The following CWC22 variants were observed in gnomAD, a reference collection of about 807,000 sequenced individuals.
CWC22 encodes the protein CWC22 spliceosome associated protein.
A neutral mutation model predicts 117.2 loss-of-function variants in CWC22; 53 were observed. That is an observed-to-expected ratio of 0.45 (90% CI 0.36 to 0.57). The LOEUF (loss-of-function observed/expected upper bound fraction) is 0.57, where lower values mean the gene tolerates loss of function less well. Ranked by LOEUF, CWC22 falls within the 20% of genes least tolerant of loss-of-function variation. The probability of loss-of-function intolerance (pLI) is 0.00; values close to 1 mark genes in which losing one functional copy is unlikely to be tolerated. For synonymous variants in CWC22, 360 were observed against 355.6 expected (o/e 1.01, Z -0.14); for missense variants, 980 against 1,068.8 (o/e 0.92, Z 1.16).
At chr2:179,953,898 C>A (rs1314981766) in intron 16 of CWC22, among the ~76,000 whole-genome samples, 1 of 152,092 alleles carries the variant, frequency 6.6e-6, no homozygotes, top group Admixed American at 6.6e-5. Flanking sequence ...TGTGAGTGTG[C>A]ATGCACGTGT....
chr2:179,954,780 C>T (rs1559285439), intron 15 of CWC22, among the ~76,000 whole-genome samples, 177 bp downstream of exon 15: 1 of 151,836 alleles, frequency 6.6e-6, no homozygotes, highest in Non-Finnish European at 1.5e-5. Context: ...TAAAGCACTG[C>T]AAAAATGAAG....
chr2:179,995,806 A>C (rs1214508966), intron 1 of CWC22, among the ~76,000 whole-genome samples: 1 of 152,216 alleles, frequency 6.6e-6, no homozygotes, highest in African/African-American at 2.4e-5. Context: ...GGCAAGCTGC[A>C]GTCTGTACCA....
intron 14 of CWC22, 119 bp downstream of exon 14, chr2:179,958,903 T>C: frequency 1.8e-6 from 1 of 569,518 alleles, no homozygotes; most frequent in Non-Finnish European, 3.2e-6. Flanking sequence ...AAACCTACAT[T>C]AAAAAATAAA....
At chr2:179,965,715 T>G (rs1686870669) in intron 12 of CWC22, among the ~76,000 whole-genome samples, 163 bp downstream of exon 12, 2 of 152,212 alleles carry the variant, frequency 1.3e-5, no homozygotes, top group African/African-American at 4.8e-5. Flanking sequence ...GGCAGTCTTG[T>G]GGTTTGTAGG....
intron 5 of CWC22, among the ~76,000 whole-genome samples, chr2:179,980,119 A>G (rs1398212331): frequency 6.6e-6 from 1 of 152,228 alleles, no homozygotes; most frequent in Non-Finnish European, 1.5e-5. Flanking sequence ...TTTTACAATC[A>G]GGATTGCTTT....
intron 14 of CWC22, among the ~76,000 whole-genome samples, chr2:179,956,484 C>T (rs1057442724): frequency 1.3e-5 from 2 of 151,278 alleles, no homozygotes; most frequent in South Asian, 2.1e-4. Flanking sequence ...TGGACAGCAC[C>T]GCTTTAGATA....
At chr2:179,998,200 T>C (rs563189188) in intron 1 of CWC22, among the ~76,000 whole-genome samples, 1 of 152,298 alleles carries the variant, frequency 6.6e-6, no homozygotes, top group East Asian at 1.9e-4. Context: ...TTAGGCAGAA[T>C]ATAGAGACCC....
At chr2:179,961,496 CATTAAG>C in intron 13 of CWC22, among the ~76,000 whole-genome samples, 1 of 152,072 alleles carries the variant, frequency 6.6e-6, no homozygotes. Flanking sequence ...CAGTATCTAA[CATTAAG>C]ATTAAAATAC....
rs567318598 is a variant in CWC22 at position 179,962,882 on chromosome 2, T to C, written c.1397+1665A>G. ...ATTACCCTGATTTGATTATACAATG[T>C]ATAATCACCCTTAGGGTATAAATAT... On this transcript the variant is annotated intron_variant, in intron 13 of 19. Coordinates refer to ENST00000410053, the MANE Select transcript of CWC22 (RefSeq NM_020943.3). Among the ~76,000 whole-genome samples the C allele has an allele frequency of 3.8e-3, 573 of 152,240 alleles. 5 individuals are homozygous for C. Among genetic ancestry groups the C allele is most frequent in the South Asian group, 7.3e-3 (35 of 4,822 alleles).
intron 1 of CWC22, among the ~76,000 whole-genome samples, chr2:180,002,064 G>A (rs1475087148): frequency 6.6e-6 from 1 of 152,142 alleles, no homozygotes; most frequent in Non-Finnish European, 1.5e-5. Context: ...TTTTACTCCA[G>A]CCAATCTTCT....
chr2:180,004,820 G>C (rs1687931810), intron 1 of CWC22, among the ~76,000 whole-genome samples: 3 of 151,980 alleles, frequency 2.0e-5, no homozygotes, highest in African/African-American at 7.3e-5. Flanking sequence ...AAAGTGATTG[G>C]AGGTACCCTA....
At chr2:179,990,286 A>G (rs1015501649) in intron 2 of CWC22, among the ~76,000 whole-genome samples, 1 of 152,220 alleles carries the variant, frequency 6.6e-6, no homozygotes, top group Non-Finnish European at 1.5e-5. Context: ...AGGTTTCTAT[A>G]AAACTTCACA....
chr2:180,004,810 A>C (rs1687931532), intron 1 of CWC22, among the ~76,000 whole-genome samples: 1 of 152,016 alleles, frequency 6.6e-6, no homozygotes. Flanking sequence ...AGAACTCCAA[A>C]AAGTGATTGG....
At chr2:179,987,134 CCTTTTGCTTAGTTGGCTTGTTT>C (rs1325852130) in intron 3 of CWC22, among the ~76,000 whole-genome samples, 4 of 152,158 alleles carry the variant, frequency 2.6e-5, no homozygotes, top group Non-Finnish European at 4.4e-5. Flanking sequence ...ACAAATGACT[CCTTTTGCTTAGTTGGCTTGTTT>C]ATCAAAACAC....
At chr2:179,965,476 C>G (rs1036430628) in intron 12 of CWC22, among the ~76,000 whole-genome samples, 5 of 152,170 alleles carry the variant, frequency 3.3e-5, no homozygotes, top group African/African-American at 9.7e-5. Flanking sequence ...CCAAAATGAA[C>G]AGCAAATATG....
chr2:179,988,914 TTTTTA>T (rs1331171976), intron 2 of CWC22, among the ~76,000 whole-genome samples: 2 of 151,758 alleles, frequency 1.3e-5, no homozygotes, highest in African/African-American at 2.4e-5. Context: ...TTTTTATTTC[TTTTTA>T]TTTTATTTTT....
At chr2:179,971,129 A>G in intron 8 of CWC22, 53 bp from the exon 9 acceptor site, 1 of 1,204,932 alleles carries the variant, frequency 8.3e-7, no homozygotes, top group Non-Finnish European at 1.1e-6. Context: ...ACATACATTA[A>G]ATTATTTTTA....
intron 8 of CWC22, 115 bp downstream of exon 8, chr2:179,973,078 T>G: frequency 2.1e-6 from 1 of 478,638 alleles, no homozygotes; most frequent in Non-Finnish European, 3.8e-6. Context: ...TCATCCAACA[T>G]TTTTATCCCA....
chr2:180,002,378 T>C (rs969048907), intron 1 of CWC22, among the ~76,000 whole-genome samples: 1 of 152,214 alleles, frequency 6.6e-6, no homozygotes, highest in African/African-American at 2.4e-5. Flanking sequence ...ATAATTGATA[T>C]TTATATTCAG....
Sources: gnomAD v4.1 joint callset for allele counts (sites outside exome capture counted in the v4.1 genomes callset) on GRCh38, gnomAD v4.1.1 for gene constraint, MANE v1.5 for transcripts, NCBI Gene and HGNC (gene_info 2026-07-23, HGNC 2026-07-21) for gene names.